The following SP9 variants were observed in gnomAD, a reference collection of about 807,000 sequenced individuals.
SP9 encodes the protein Sp9 transcription factor.
In SP9, 5 loss-of-function variants were observed where a neutral mutation model predicts 23.0. That is an observed-to-expected ratio of 0.22 (90% confidence interval 0.11 to 0.46). The LOEUF is 0.46. SP9 is among the 20% of genes least tolerant of loss of function. The pLI is 0.99. For synonymous variants in SP9, 360 were observed against 356.5 expected (o/e 1.01, Z -0.11); for missense variants, 542 against 724.0 (o/e 0.75, Z 2.88).
Position 174,336,593 on chromosome 2 carries a change from G to A in SP9, c.508G>A (p.Gly170Ser), listed in dbSNP as rs1210096430. 9.8e-6 allele frequency: 14 copies of A among 1,425,256 alleles called. No homozygotes were observed. Among genetic ancestry groups the A allele is most frequent in the Admixed American group, 2.8e-5 (1 of 35,222 alleles). The allele number at this position is 1,425,256 out of a possible 1,614,324, so 88.3% of individuals were successfully genotyped here. A position where few individuals can be genotyped will look rare whatever the true frequency, so the allele number is the denominator to read the frequency against. The change falls in exon 2 of 2, where the codon GGC becomes AGC. Residue 170 changes from glycine (G) to serine (S), a missense_variant. Physicochemically the swap from Gly to Ser is moderately conservative, Grantham distance 56. Coordinates refer to ENST00000394967, the MANE Select transcript of SP9 (RefSeq NM_001145250.2). ...KSGFHSTLAA[G>S]EVTNGAASSW... ...GGGCTTCCATTCGACGCTGGCGGCC[G>A]GCGAGGTGACCAACGGCGCGGCGTC... is the stretch of plus-strand genomic sequence containing the variant.
In SP9 at chr2:174,336,812, G is replaced by T; in HGVS notation, c.727G>T (p.Ala243Ser). ...SSTGLGSSAA[A>S]ASHLLSTSQH... is the part of the protein sequence containing the mutation. Reference sequence around the variant, plus strand: ...CACGGGCCTCGGCTCCTCCGCCGCCGCCGCCTCCCACCTGCTCTCCACCAG... The same window carrying T: ...CACGGGCCTCGGCTCCTCCGCCGCCTCCGCCTCCCACCTGCTCTCCACCAG... The change falls in exon 2 of 2, where the codon GCC becomes TCC. Residue 243 changes from alanine (A) to serine (S), a missense_variant. This residue lies in a region of SP9 where 144 missense variants were observed against 158.7 expected (regional missense o/e 0.91). Transcript: ENST00000394967. 6.5e-7 allele frequency: 1 copy of T among 1,528,164 alleles called. No individual in the cohort carries two copies. The allele number at this position is 1,528,164 out of a possible 1,614,324, so 94.7% of individuals were successfully genotyped here. A position where few individuals can be genotyped will look rare whatever the true frequency, so the allele number is the denominator to read the frequency against.
rs931256619 is a variant in SP9 at position 174,336,985 on chromosome 2, C to T, written c.900C>T (p.Arg300=). Residue 300 remains arginine (R), a synonymous_variant, in exon 2 of 2, where the codon CGC becomes CGT. Transcript: ENST00000394967. The stretch of plus-strand genomic sequence containing the variant: ...GGGGGAGCTCGGCACGCTCTGCCCG[C>T]CGCTACTCGGGCCGCGCCACCTGCG... ...AAGGSSARSA[R]RYSGRATCDC... The T allele has an allele frequency of 2.8e-6, 4 of 1,441,670 alleles. No individual in the cohort carries two copies. The highest frequency in any genetic ancestry group is 3.0e-5 in the African/African-American group (2 of 66,926). 89.3% of individuals were successfully genotyped at this position (1,441,670 alleles called of 1,614,324 possible).
At chr2:174,335,806 G>A in intron 1 of SP9, 1 of 376,634 alleles carries the variant, frequency 2.7e-6, no homozygotes, top group Non-Finnish European at 4.8e-6. Context: ...GGTTTACGGC[G>A]ACAACCCAAG....
chr2:174,336,180 C>T lies in SP9; in HGVS notation c.95C>T (p.Pro32Leu). Residue 32 changes from proline (P) to leucine (L), a missense_variant, in exon 2 of 2, where the codon CCG becomes CTG. By Grantham distance (98) the Pro-to-Leu change is moderately conservative (BLOSUM62 -3). Transcript: ENST00000394967. ...ATCNKIGNTS[P>L]LTTLPESSAF... ...TGCAACAAGATCGGCAACACGAGCCCGCTGACGACGCTGCCAGAGTCGAGC... is the reference window on the plus strand; with the variant it reads ...TGCAACAAGATCGGCAACACGAGCCTGCTGACGACGCTGCCAGAGTCGAGC... 1 of 1,550,876 alleles carries T rather than the reference C, an allele frequency of 6.4e-7. No individual in the cohort carries two copies. Among genetic ancestry groups the T allele is most frequent in the Non-Finnish European group, 8.7e-7 (1 of 1,146,636 alleles).
At position 174,337,471 on chromosome 2, in the gene SP9, AGCGGCGGCG is replaced by A. The variant is rs746223726; in HGVS notation, c.1401_1409del (p.Ala468_Ala470del). 1.5e-4 allele frequency: 177 copies of A among 1,200,592 alleles called. 6 individuals carry two copies. Among genetic ancestry groups the A allele is most frequent in the South Asian group, 2.1e-4 (6 of 28,276 alleles). The allele number at this position is 1,200,592 out of a possible 1,614,324, so 74.4% of individuals were successfully genotyped here. ...GGGCGGCGGCAGCGGCGGCGGCGGC[AGCGGCGGCG>A]GCGGCGGCGGCGGCCTCCGCGGGAG... On this transcript the variant is annotated inframe_deletion, in exon 2 of 2. Coordinates refer to ENST00000394967, the MANE Select transcript of SP9 (RefSeq NM_001145250.2).
rs746223726 is a variant in SP9, at chr2:174,337,471, AGCGGCGGCGGCGGCGGCG to A, written c.1392_1409del (p.Ala465_Ala470del). On this transcript the variant is annotated inframe_deletion, in exon 2 of 2. Transcript: ENST00000394967. ...GGGCGGCGGCAGCGGCGGCGGCGGC[AGCGGCGGCGGCGGCGGCG>A]GCGGCCTCCGCGGGAGGCAAGGAAG... 3 of 1,200,518 alleles carry A rather than the reference AGCGGCGGCGGCGGCGGCG, an allele frequency of 2.5e-6. No individual in the cohort carries two copies. Among genetic ancestry groups the A allele is most frequent in the East Asian group, 3.7e-5 (1 of 26,974 alleles). The allele number at this position is 1,200,518 out of a possible 1,614,324, so 74.4% of individuals were successfully genotyped here. A position where few individuals can be genotyped will look rare whatever the true frequency, so the allele number is the denominator to read the frequency against.
chr2:174,335,775 G>T (rs1376976769), intron 1 of SP9: 5 of 316,196 alleles, frequency 1.6e-5, no homozygotes, highest in Non-Finnish European at 2.3e-5. Flanking sequence ...GGGCGACTTG[G>T]GGTCTTCTGG....
chr2:174,335,259 G>A, intron 1 of SP9, 146 bp downstream of exon 1: 1 of 880,378 alleles, frequency 1.1e-6, no homozygotes, highest in Non-Finnish European at 1.7e-6. Context: ...TTCTGGGACT[G>A]ATTTTTCCCC....
In SP9 at chr2:174,337,642, A is replaced by C; in HGVS notation, c.*102A>C. 9.6e-7 allele frequency: 1 copy of C among 1,044,768 alleles called. No individual in the cohort carries two copies. The highest frequency in any genetic ancestry group is 1.2e-6 in the Non-Finnish European group (1 of 867,518). The allele number at this position is 1,044,768 out of a possible 1,614,324, so 64.7% of individuals were successfully genotyped here. On this transcript the variant is annotated 3_prime_UTR_variant, in exon 2 of 2. Transcript: ENST00000394967. ...CGGGAGGCGGGAGGGCAGGGGCTTC[A>C]GTGACGCCCCCAGGGCCCGGGCTGG...
In SP9 at chr2:174,335,019, A is replaced by C. The variant is rs2105508588; in HGVS notation, c.-74A>C. On this transcript the variant is annotated 5_prime_UTR_variant, in exon 1 of 2. Transcript: ENST00000394967. ...CGCGGGGACGCGGGAGCCGCGCGGGACCCAAGCAGTTTTTCCGAGCAGCCG... is the reference window on the plus strand; with the variant it reads ...CGCGGGGACGCGGGAGCCGCGCGGGCCCCAAGCAGTTTTTCCGAGCAGCCG... 6.6e-7 allele frequency: 1 copy of C among 1,516,002 alleles called. No homozygotes were observed. The highest frequency in any genetic ancestry group is 9.0e-7 in the Non-Finnish European group (1 of 1,116,690). The allele number at this position is 1,516,002 out of a possible 1,614,324, so 93.9% of individuals were successfully genotyped here. A position where few individuals can be genotyped will look rare whatever the true frequency, so the allele number is the denominator to read the frequency against.
chr2:174,336,795 T>A lies in SP9; in HGVS notation c.710T>A (p.Leu237His). The change falls in exon 2 of 2, where the codon CTC (leucine) becomes CAC (histidine). Residue 237 changes from leucine (L) to histidine (H), a missense_variant. By Grantham distance (99) the Leu-to-His change is moderately conservative. Coordinates refer to ENST00000394967, the MANE Select transcript of SP9 (RefSeq NM_001145250.2). ...CACTCCGCCTTCAGCTCCACGGGCC[T>A]CGGCTCCTCCGCCGCCGCCGCCTCC... is the stretch of plus-strand genomic sequence containing the variant. ...LTHSAFSSTGLGSSAAAASHL... is the reference protein window; with the variant it reads ...LTHSAFSSTGHGSSAAAASHL... The A allele has an allele frequency of 6.5e-7, 1 of 1,530,114 alleles. No homozygotes were observed. Among genetic ancestry groups the A allele is most frequent in the Non-Finnish European group, 8.7e-7 (1 of 1,144,264 alleles). The allele number at this position is 1,530,114 out of a possible 1,614,324, so 94.8% of individuals were successfully genotyped here. A position where few individuals can be genotyped will look rare whatever the true frequency, so the allele number is the denominator to read the frequency against.
At chr2:174,335,412 T>A in intron 1 of SP9, 1 of 428,686 alleles carries the variant, frequency 2.3e-6, no homozygotes, top group Non-Finnish European at 4.3e-6. Flanking sequence ...GCTTTGGGGA[T>A]TTTGTTGCAA....
At position 174,337,228 on chromosome 2, in the gene SP9, G is replaced by T. The variant is rs1231720368; in HGVS notation, c.1143G>T (p.Arg381=). The stretch of plus-strand genomic sequence containing the variant: ...TCACGCGCTCGGACGAGCTGCAGCG[G>T]CATCTGCGGACTCACACGGGCGAGA... ...KRFTRSDELQ[R]HLRTHTGEKR... The change falls in exon 2 of 2, where the codon CGG becomes CGT. Residue 381 remains arginine (R), a synonymous_variant. Transcript: ENST00000394967. 1.9e-6 allele frequency: 3 copies of T among 1,590,142 alleles called. No individual in the cohort carries two copies. The highest frequency in any genetic ancestry group is 2.3e-5 in the South Asian group (2 of 87,938).
At position 174,337,219 on chromosome 2, in the gene SP9, G is replaced by C; in HGVS notation, c.1134G>C (p.Glu378Asp). 1 of 1,594,722 alleles carries C rather than the reference G, an allele frequency of 6.3e-7. No individual in the cohort carries two copies. Reference sequence around the variant, plus strand: ...GCAAGCGCTTCACGCGCTCGGACGAGCTGCAGCGGCATCTGCGGACTCACA... The same window carrying C: ...GCAAGCGCTTCACGCGCTCGGACGACCTGCAGCGGCATCTGCGGACTCACA... ...FCGKRFTRSD[E>D]LQRHLRTHTG... The change falls in exon 2 of 2, where the codon GAG becomes GAC. Residue 378 changes from glutamate to aspartate, a missense_variant. By Grantham distance (45) the Glu-to-Asp change is conservative (BLOSUM62 2). This residue lies in a region of SP9 where 16 missense variants were observed against 77.1 expected (regional missense o/e 0.21). Coordinates refer to ENST00000394967, the MANE Select transcript of SP9 (RefSeq NM_001145250.2).
Position 174,337,570 on chromosome 2 carries a change from C to T in SP9, c.*30C>T. ...CGGGCGAGAGGCGCGAGCACACAAG[C>T]GAGTAGAGACACCGAGAACGAACGA... On this transcript the variant is annotated 3_prime_UTR_variant, in exon 2 of 2. Coordinates refer to ENST00000394967, the MANE Select transcript of SP9 (RefSeq NM_001145250.2). The T allele has an allele frequency of 8.8e-7, 1 of 1,141,670 alleles. No homozygotes were observed. The highest frequency in any genetic ancestry group is 1.1e-6 in the Non-Finnish European group (1 of 930,758). The allele number at this position is 1,141,670 out of a possible 1,614,324, so 70.7% of individuals were successfully genotyped here.
Position 174,337,477 on chromosome 2 carries a change from G to GGCA in SP9, c.1394_1395insAGC (p.Ala470dup), listed in dbSNP as rs1486240814. ...CGGCAGCGGCGGCGGCGGCAGCGGCGGCGGCGGCGGCGGCGGCCTCCGCGG... is the reference window on the plus strand; with the variant it reads ...CGGCAGCGGCGGCGGCGGCAGCGGCGGCAGCGGCGGCGGCGGCGGCCTCCGCGG... On this transcript the variant is annotated inframe_insertion, in exon 2 of 2. Coordinates refer to ENST00000394967, the MANE Select transcript of SP9 (RefSeq NM_001145250.2). 46 of 1,179,100 alleles carry GGCA rather than the reference G, an allele frequency of 3.9e-5. No homozygotes were observed. The highest frequency in any genetic ancestry group is 4.7e-5 in the Non-Finnish European group (44 of 942,900). The allele number at this position is 1,179,100 out of a possible 1,614,324, so 73.0% of individuals were successfully genotyped here. A position where few individuals can be genotyped will look rare whatever the true frequency, so the allele number is the denominator to read the frequency against.
Position 174,336,590 on chromosome 2 carries a change from G to T in SP9, c.505G>T (p.Ala169Ser), listed in dbSNP as rs1230319915. Residue 169 changes from alanine to serine, a missense_variant, in exon 2 of 2, where the codon GCC becomes TCC. Coordinates refer to ENST00000394967, the MANE Select transcript of SP9 (RefSeq NM_001145250.2). ...YKSGFHSTLA[A>S]GEVTNGAASS... ...GTCGGGCTTCCATTCGACGCTGGCGGCCGGCGAGGTGACCAACGGCGCGGC... is the reference window on the plus strand; with the variant it reads ...GTCGGGCTTCCATTCGACGCTGGCGTCCGGCGAGGTGACCAACGGCGCGGC... 7 of 1,425,280 alleles carry T rather than the reference G, an allele frequency of 4.9e-6. No individual in the cohort carries two copies. The South Asian group carries it at 1.0e-4, about 21-fold the overall frequency. The allele number at this position is 1,425,280 out of a possible 1,614,324, so 88.3% of individuals were successfully genotyped here.
rs765926423 is a variant in SP9, at chr2:174,336,333, G to T, written c.248G>T (p.Gly83Val). 6.7e-7 allele frequency: 1 copy of T among 1,498,242 alleles called. No homozygotes were observed. Among genetic ancestry groups the T allele is most frequent in the South Asian group, 1.3e-5 (1 of 78,998 alleles). The allele number at this position is 1,498,242 out of a possible 1,614,324, so 92.8% of individuals were successfully genotyped here. The change falls in exon 2 of 2, where the codon GGC becomes GTC. Residue 83 changes from glycine to valine, a missense_variant. By Grantham distance (109) the Gly-to-Val change is moderately radical. Around this residue, in one of 8 missense-constraint regions of SP9, gnomAD observed 201 missense variants for 226.3 expected, o/e 0.89. Coordinates refer to ENST00000394967, the MANE Select transcript of SP9 (RefSeq NM_001145250.2). ...RGSGGLAGGS[G>V]AANSAFCLAS... ...TCGGGCGGCCTGGCGGGCGGCTCGGGCGCCGCCAACAGCGCCTTCTGCCTG... is the reference window on the plus strand; with the variant it reads ...TCGGGCGGCCTGGCGGGCGGCTCGGTCGCCGCCAACAGCGCCTTCTGCCTG...
In SP9 at chr2:174,337,574, TAG is replaced by T. The variant is rs1164341100; in HGVS notation, c.*38_*39del. On this transcript the variant is annotated 3_prime_UTR_variant, in exon 2 of 2. Transcript: ENST00000394967. The stretch of plus-strand genomic sequence containing the variant: ...CGAGAGGCGCGAGCACACAAGCGAG[TAG>T]AGACACCGAGAACGAACGAGAGGTT... The T allele has an allele frequency of 5.3e-5, 60 of 1,134,834 alleles. No individual in the cohort carries two copies. In the East Asian group the frequency reaches 2.6e-3, roughly 50 times the overall value. The allele number at this position is 1,134,834 out of a possible 1,614,324, so 70.3% of individuals were successfully genotyped here.
Sources: gnomAD v4.1 joint callset for allele counts on GRCh38, gnomAD v4.1.1 for gene constraint, gnomAD v4.1.1 regional missense constraint, MANE v1.5 for transcripts, NCBI Gene and HGNC (gene_info 2026-07-23, HGNC 2026-07-21) for gene names.